ZBTB20: variants seen among roughly 807,000 people sequenced by gnomAD.
The protein encoded by ZBTB20 is zinc finger and BTB domain-containing protein 20.
Under a neutral mutation model 56.9 loss-of-function variants are expected in ZBTB20, and 9 were observed. The observed-to-expected ratio is 0.16, with a 90% CI of 0.10 to 0.28. ZBTB20 has a LOEUF of 0.28. Ranked by LOEUF, ZBTB20 falls within the 10% of genes least tolerant of loss-of-function variation. The probability of loss-of-function intolerance (pLI) is 1.00; values close to 1 mark genes in which losing one functional copy is unlikely to be tolerated. For synonymous variants in ZBTB20, 417 were observed against 420.7 expected, an observed-to-expected ratio of 0.99 and a Z score of 0.11; for missense variants, 655 against 1,003.0, an observed-to-expected ratio of 0.65 and a Z score of 4.69.
At chr3:114,792,161 T>C (rs2071005821) in intron 5 of ZBTB20, 2 of 152,220 alleles carry the variant, frequency 1.3e-5, no homozygotes, top group Non-Finnish European at 2.9e-5. Context: ...CAAAAGCTTT[T>C]TCTTCATTCA....
chr3:114,542,484 A>C (rs563474536), intron 6 of ZBTB20, among the ~76,000 whole-genome samples: 39 of 152,300 alleles, frequency 2.6e-4, no homozygotes, highest in Non-Finnish European at 3.4e-4. Context: ...CAAGTGAGTA[A>C]ACAGCTAAGG....
At chr3:114,623,825 C>T (rs74589437) in intron 6 of ZBTB20, among the ~76,000 whole-genome samples, 5 of 151,794 alleles carry the variant, frequency 3.3e-5, no homozygotes, top group African/African-American at 7.3e-5. Flanking sequence ...CTTCCTCCCC[C>T]CAACAAGCAT....
rs183182354 is a variant in ZBTB20 at position 114,484,275 on chromosome 3, G to A, written c.-255+16077C>T. ...TAAATTAGTTTTGATCAACACTGTC[G>A]GATTTTTAAACCCACCAACGTAATA... On this transcript the variant is annotated intron_variant, in intron 7 of 11. Transcript: ENST00000675478. Among the ~76,000 whole-genome samples the A allele has an allele frequency of 3.4e-4, 51 of 152,130 alleles. No homozygotes were observed. In the East Asian group the frequency reaches 8.3e-3, roughly 25 times the overall value.
chr3:114,892,117 G>A (rs755768323), intron 4 of ZBTB20, among the ~76,000 whole-genome samples: 2 of 151,922 alleles, frequency 1.3e-5, no homozygotes, highest in Non-Finnish European at 2.9e-5. Context: ...CCTAAAATTT[G>A]TATCTCTCTT....
intron 7 of ZBTB20, among the ~76,000 whole-genome samples, chr3:114,422,391 G>A (rs1307447279): frequency 1.3e-5 from 2 of 152,104 alleles, no homozygotes; most frequent in Non-Finnish European, 1.5e-5. Flanking sequence ...CAGCAAGAAA[G>A]TATATTTTGT....
At chr3:114,947,199 C>T (rs981096084) in intron 3 of ZBTB20, among the ~76,000 whole-genome samples, 6 of 146,170 alleles carry the variant, frequency 4.1e-5, no homozygotes, top group Admixed American at 6.6e-5. Context: ...AACGCTTATA[C>T]ACTGTTGGTG....
rs377468209 is a variant in ZBTB20 at position 115,080,533 on chromosome 3, G to A, written c.-702-9119C>T. ...CCTGTTTAGTATAGTAAGGCTGTAA[G>A]AAAGTAAGCAAGTAAATAAATAAGT... On this transcript the variant is annotated intron_variant, in intron 1 of 11. Coordinates refer to ENST00000675478, the MANE Select transcript of ZBTB20 (RefSeq NM_001348800.3). Among the ~76,000 whole-genome samples the A allele has an allele frequency of 3.3e-5, 5 of 152,280 alleles. No individual in the cohort carries two copies. The East Asian group carries it at 9.6e-4, about 29-fold the overall frequency.
intron 1 of ZBTB20, among the ~76,000 whole-genome samples, chr3:115,101,647 T>A (rs1270772236): frequency 2.0e-5 from 3 of 152,202 alleles, no homozygotes; most frequent in South Asian, 2.1e-4. Context: ...GTCATTTAGA[T>A]GGGACTTAAG....
chr3:114,744,073 G>A lies in ZBTB20; in HGVS notation c.-342-50498C>T, dbSNP rs12491302. Among the ~76,000 whole-genome samples the A allele has an allele frequency of 3.6e-3, 551 of 152,276 alleles. 12 individuals are homozygous for A. The highest frequency in any genetic ancestry group is 0.031 in the Admixed American group (480 of 15,294). On this transcript the variant is annotated intron_variant, in intron 5 of 11. Coordinates refer to ENST00000675478, the MANE Select transcript of ZBTB20 (RefSeq NM_001348800.3). ...ATCAAACTGTTAAGGTACCAACCACGCACTTTCATCTATAATCACAATGAA... is the reference window on the plus strand; with the variant it reads ...ATCAAACTGTTAAGGTACCAACCACACACTTTCATCTATAATCACAATGAA...
At chr3:115,057,381 C>G (rs148156658) in intron 2 of ZBTB20, among the ~76,000 whole-genome samples, 252 of 151,864 alleles carry the variant, frequency 1.7e-3, no homozygotes, top group African/African-American at 5.9e-3. Flanking sequence ...GTAGGGTTTA[C>G]AATATGTAAC....
At chr3:114,426,149 C>A (rs1220774033) in intron 7 of ZBTB20, among the ~76,000 whole-genome samples, 2 of 151,976 alleles carry the variant, frequency 1.3e-5, no homozygotes, top group Non-Finnish European at 2.9e-5. Context: ...TCCTGGCTAA[C>A]ACGGTGAAAC....
At chr3:114,485,402 T>G (rs1257464962) in intron 7 of ZBTB20, among the ~76,000 whole-genome samples, 1 of 152,208 alleles carries the variant, frequency 6.6e-6, no homozygotes, top group Non-Finnish European at 1.5e-5. Context: ...TTTACTTGCA[T>G]GCTTTCCTGT....
chr3:114,449,408 G>A (rs1033250463), intron 7 of ZBTB20, among the ~76,000 whole-genome samples: 4 of 152,102 alleles, frequency 2.6e-5, no homozygotes, highest in South Asian at 2.1e-4. Flanking sequence ...GGTAAGAATC[G>A]ATAAGAATGG....
chr3:115,032,810 C>T (rs1473656444), intron 2 of ZBTB20, among the ~76,000 whole-genome samples: 1 of 150,840 alleles, frequency 6.6e-6, no homozygotes, highest in Admixed American at 6.6e-5. Flanking sequence ...AGAAAACACC[C>T]AGAGATGAAT....
intron 2 of ZBTB20, among the ~76,000 whole-genome samples, chr3:115,028,580 T>C (rs1000743515): frequency 1.3e-5 from 2 of 150,634 alleles, no homozygotes; most frequent in African/African-American, 2.4e-5. Context: ...AGTATTAATA[T>C]AGATAATTTT....
chr3:115,128,395 G>A (rs540351689), intron 1 of ZBTB20, among the ~76,000 whole-genome samples: 1 of 152,186 alleles, frequency 6.6e-6, no homozygotes, highest in East Asian at 1.9e-4. Flanking sequence ...TGCATGTAGT[G>A]ACTCACACCT....
intron 2 of ZBTB20, among the ~76,000 whole-genome samples, chr3:115,063,192 AT>A (rs2082075148): frequency 6.6e-6 from 1 of 152,218 alleles, no homozygotes; most frequent in African/African-American, 2.4e-5. Flanking sequence ...TCATGAGTTA[AT>A]CTACTACCTG....
rs2079149095 is a variant in ZBTB20, at chr3:114,329,016, C to T, written c.*9989G>A. ...TCTAGTAGAAATATATCTGCTGGAA[C>T]ACTTTGGAGAACAGATTGGTAATTT... On this transcript the variant is annotated 3_prime_UTR_variant, in exon 12 of 12. Coordinates refer to ENST00000675478, the MANE Select transcript of ZBTB20 (RefSeq NM_001348800.3). 1 of 152,178 alleles carries T rather than the reference C, an allele frequency of 6.6e-6. No homozygotes were observed. The highest frequency in any genetic ancestry group is 2.4e-5 in the African/African-American group (1 of 41,438). The allele number at this position is 152,178 out of a possible 1,614,324, so 9.4% of individuals were successfully genotyped here.
chr3:114,937,247 G>T (rs1194699073), intron 3 of ZBTB20, among the ~76,000 whole-genome samples: 1 of 152,126 alleles, frequency 6.6e-6, no homozygotes, highest in Non-Finnish European at 1.5e-5. Context: ...GTGTAAAAGC[G>T]TTCTTATTTC....
Sources: allele counts gnomAD v4.1 joint callset (sites outside exome capture counted in the v4.1 genomes callset), GRCh38; gene constraint gnomAD v4.1.1; transcripts MANE v1.5; gene names NCBI Gene and HGNC (gene_info 2026-07-23, HGNC 2026-07-21).